The following ERC1 variants were observed in gnomAD, a reference collection of about 807,000 sequenced individuals.
ERC1 encodes the protein ELKS/RAB6-interacting/CAST family member 1.
ERC1 carries 56 observed loss-of-function variants against 132.0 expected under a neutral mutation model. The ratio of observed to expected loss-of-function variants is 0.42; its 90% CI spans 0.34 to 0.53. The LOEUF is 0.53. Ranked by LOEUF, ERC1 falls within the 20% of genes least tolerant of loss-of-function variation. ERC1 has a pLI of 0.03. For synonymous variants in ERC1, 478 were observed against 476.1 expected (o/e 1.00, Z -0.05); for missense variants, 1,202 against 1,349.9 (o/e 0.89, Z 1.72).
intron 15 of ERC1, among the ~76,000 whole-genome samples, chr12:1,320,380 A>G (rs1383905188): frequency 3.3e-5 from 5 of 152,214 alleles, no homozygotes; most frequent in Non-Finnish European, 5.9e-5. Flanking sequence ...GATACTATCC[A>G]TCTTTTACAT....
chr12:1,042,748 A>G (rs1386228806), intron 2 of ERC1, among the ~76,000 whole-genome samples: 1 of 151,994 alleles, frequency 6.6e-6, no homozygotes, highest in Non-Finnish European at 1.5e-5. Flanking sequence ...AGTTTGTTTT[A>G]TAGGACTTAA....
chr12:995,661 C>G (rs11064631), intron 1 of ERC1, among the ~76,000 whole-genome samples: 1 of 151,942 alleles, frequency 6.6e-6, no homozygotes, highest in East Asian at 1.9e-4. Flanking sequence ...GAGAAGAGAT[C>G]CAAACATCTG....
chr12:1,286,794 T>G (rs2079071805), intron 14 of ERC1, among the ~76,000 whole-genome samples: 1 of 152,148 alleles, frequency 6.6e-6, no homozygotes, highest in Admixed American at 6.5e-5. Context: ...TACTAGAAAA[T>G]TAAGCATATA....
intron 12 of ERC1, among the ~76,000 whole-genome samples, chr12:1,219,745 C>T (rs1229313175): frequency 6.6e-6 from 1 of 151,904 alleles, no homozygotes; most frequent in Non-Finnish European, 1.5e-5. Flanking sequence ...AAGCCATCCT[C>T]CCACCTCAGC....
chr12:1,156,322 T>A (rs1345859379), intron 8 of ERC1, among the ~76,000 whole-genome samples: 1 of 152,142 alleles, frequency 6.6e-6, no homozygotes, highest in Non-Finnish European at 1.5e-5. Context: ...CACTACGGCC[T>A]CTGCCTCCCA....
chr12:1,236,938 T>A, intron 13 of ERC1, 34 bp downstream of exon 13: 1 of 1,610,588 alleles, frequency 6.2e-7, no homozygotes, highest in Non-Finnish European at 8.5e-7. Context: ...AAGGATCGGG[T>A]GAAGACATTT....
At position 1,180,623 on chromosome 12, in the gene ERC1, C is replaced by T. The variant is rs771298155; in HGVS notation, c.1821C>T (p.Asp607=). 22 of 1,614,058 alleles carry T rather than the reference C, an allele frequency of 1.4e-5. No homozygotes were observed. In the Admixed American group the frequency reaches 1.8e-4, roughly 13 times the overall value. ...LKERVKSLQA[D]TTNTDTALTT... is the part of the protein sequence containing the mutation. ...AACGGGTCAAATCCTTGCAGGCTGA[C>T]ACCACCAACACTGACACTGCCTTGA... The change falls in exon 9 of 19, where the codon GAC becomes GAT. Residue 607 remains aspartate (D), a synonymous_variant. Coordinates refer to ENST00000360905, the MANE Select transcript of ERC1 (RefSeq NM_178040.4).
intron 14 of ERC1, among the ~76,000 whole-genome samples, chr12:1,287,418 G>A (rs756315003): frequency 2.6e-5 from 4 of 152,162 alleles, no homozygotes; most frequent in South Asian, 2.1e-4. Flanking sequence ...TACTTGCTCC[G>A]ACAGTATTCT....
chr12:1,191,851 G>GAA (rs748858506), intron 12 of ERC1, among the ~76,000 whole-genome samples: 4 of 137,130 alleles, frequency 2.9e-5, no homozygotes, highest in Non-Finnish European at 4.8e-5. Flanking sequence ...TTGGCTACTG[G>GAA]AAAAAAAAAA....
In ERC1 at chr12:1,292,724, T is replaced by C. The variant is rs114805445; in HGVS notation, c.2780+2712T>C. On this transcript the variant is annotated intron_variant, in intron 15 of 18. Transcript: ENST00000360905. ...GTACAATTGTGATTAAGAGAGCTGTTAACAGGCCGGGCACGGTGGTTCACA... is the reference window on the plus strand; with the variant it reads ...GTACAATTGTGATTAAGAGAGCTGTCAACAGGCCGGGCACGGTGGTTCACA... Among the ~76,000 whole-genome samples the C allele has an allele frequency of 6.2e-3, 937 of 152,306 alleles. 9 individuals are homozygous for C. Among genetic ancestry groups the C allele is most frequent in the African/African-American group, 0.022 (899 of 41,576 alleles).
At chr12:1,012,271 G>A (rs1396474678) in intron 1 of ERC1, among the ~76,000 whole-genome samples, 2 of 152,008 alleles carry the variant, frequency 1.3e-5, no homozygotes, top group African/African-American at 4.8e-5. Context: ...TACTTACTGG[G>A]TTCCTATAAT....
intron 12 of ERC1, among the ~76,000 whole-genome samples, chr12:1,218,211 C>T (rs1428676417): frequency 6.6e-6 from 1 of 152,184 alleles, no homozygotes; most frequent in Admixed American, 6.5e-5. Context: ...TGCATCTATA[C>T]CTGGAGCCTT....
chr12:1,346,161 T>TGTTG (rs2084434574), intron 15 of ERC1, among the ~76,000 whole-genome samples: 3 of 151,916 alleles, frequency 2.0e-5, no homozygotes, highest in Admixed American at 2.0e-4. Context: ...AAGTTTTTGT[T>TGTTG]GTTTGTTTGT....
At chr12:1,340,413 C>T (rs2083720874) in intron 15 of ERC1, among the ~76,000 whole-genome samples, 1 of 152,174 alleles carries the variant, frequency 6.6e-6, no homozygotes, top group Non-Finnish European at 1.5e-5. Context: ...CTGGGTTCCA[C>T]CTCAGCTGAC....
chr12:1,141,409 G>A (rs1021631586), intron 7 of ERC1, among the ~76,000 whole-genome samples: 1 of 152,168 alleles, frequency 6.6e-6, no homozygotes, highest in Non-Finnish European at 1.5e-5. Flanking sequence ...ATTCTGATGT[G>A]CATGAAGTTT....
intron 2 of ERC1, among the ~76,000 whole-genome samples, chr12:1,042,294 C>T (rs1394800515): frequency 6.6e-6 from 1 of 151,792 alleles, no homozygotes; most frequent in Non-Finnish European, 1.5e-5. Flanking sequence ...GCCTCAGCTT[C>T]CCGAAGTGCT....
chr12:1,112,244 G>C lies in ERC1; in HGVS notation c.1347G>C (p.Ser449=). The stretch of plus-strand genomic sequence containing the variant: ...AACAACTGAAGGAGGAACTAAGTTC[G>C]AAAGAGGCTCAATGGGAGGAGCTGA... ...KVEQLKEELS[S]KEAQWEELKK... Residue 449 remains serine (S), a synonymous_variant, in exon 6 of 19, where the codon TCG becomes TCC. Transcript: ENST00000360905. The C allele has an allele frequency of 6.2e-7, 1 of 1,612,314 alleles. No individual in the cohort carries two copies. The highest frequency in any genetic ancestry group is 8.5e-7 in the Non-Finnish European group (1 of 1,178,822).
intron 15 of ERC1, among the ~76,000 whole-genome samples, chr12:1,304,507 G>T (rs2080684166): frequency 6.6e-6 from 1 of 152,158 alleles, no homozygotes; most frequent in African/African-American, 2.4e-5. Flanking sequence ...AGTCTTTAAG[G>T]CACTCTGCGA....
At chr12:1,321,667 G>C (rs1230315014) in intron 15 of ERC1, among the ~76,000 whole-genome samples, 1 of 152,148 alleles carries the variant, frequency 6.6e-6, no homozygotes, top group African/African-American at 2.4e-5. Context: ...AAAGCATGCA[G>C]TTGCTTTAGA....
Sources: gnomAD v4.1 joint callset for allele counts (sites outside exome capture counted in the v4.1 genomes callset) on GRCh38, gnomAD v4.1.1 for gene constraint, MANE v1.5 for transcripts, NCBI Gene and HGNC (gene_info 2026-07-23, HGNC 2026-07-21) for gene names.